ATP1B3: variants seen among roughly 807,000 people sequenced by gnomAD.
ATP1B3 encodes ATPase Na+/K+ transporting subunit beta 3.
A neutral mutation model predicts 30.2 loss-of-function variants in ATP1B3; 10 were observed. That is an observed-to-expected ratio of 0.33 (90% CI 0.20 to 0.56). The LOEUF (loss-of-function observed/expected upper bound fraction) is 0.56. Ranked by LOEUF, ATP1B3 falls within the 20% of genes least tolerant of loss-of-function variation. The probability of loss-of-function intolerance (pLI) is 0.90; values close to 1 mark genes in which losing one functional copy is unlikely to be tolerated. For missense variants in ATP1B3, 238 were observed against 336.7 expected, an observed-to-expected ratio of 0.71 and a Z score of 2.29; for synonymous variants, 113 against 117.0, an observed-to-expected ratio of 0.97 and a Z score of 0.22.
intron 1 of ATP1B3, among the ~76,000 whole-genome samples, chr3:141,891,889 C>A (rs1933960654): frequency 7.4e-6 from 1 of 135,358 alleles, no homozygotes; most frequent in Admixed American, 7.3e-5. Flanking sequence ...AGAATGTGGC[C>A]TCTTTTTTTT....
intron 4 of ATP1B3, among the ~76,000 whole-genome samples, chr3:141,915,668 T>G (rs537269983): frequency 2.8e-4 from 42 of 152,350 alleles, no homozygotes; most frequent in Non-Finnish European, 5.0e-4. Flanking sequence ...TAATTAGATT[T>G]AAGGGTTTCT....
intron 2 of ATP1B3, 68 bp downstream of exon 2, chr3:141,903,816 T>C: frequency 6.4e-7 from 1 of 1,553,012 alleles, no homozygotes; most frequent in African/African-American, 1.4e-5. Flanking sequence ...AGTTTCACTC[T>C]TGTTGCCCAG....
chr3:141,887,680 G>A lies in ATP1B3; in HGVS notation c.109+10770G>A, dbSNP rs1436245484. The stretch of plus-strand genomic sequence containing the variant: ...CAGTTCAGGTTTTTATCAGCTAGGC[G>A]ATAGATAAACTTGCATGTCTACACA... On this transcript the variant is annotated intron_variant, in intron 1 of 6. Coordinates refer to ENST00000286371, the MANE Select transcript of ATP1B3 (RefSeq NM_001679.4). 8.5e-5 allele frequency among the ~76,000 whole-genome samples: 13 copies of A among 152,124 alleles called. 1 individual carries two copies. Among genetic ancestry groups the A allele is most frequent in the African/African-American group, 1.2e-4 (5 of 41,418 alleles).
chr3:141,902,287 A>G (rs1367593197), intron 1 of ATP1B3: 5 of 1,176,780 alleles, frequency 4.2e-6, no homozygotes, highest in Middle Eastern at 4.5e-4. Context: ...TGCTTTAACT[A>G]TTTCCCCTTT....
At chr3:141,920,069 G>T (rs1022912531) in intron 5 of ATP1B3, among the ~76,000 whole-genome samples, 2 of 152,120 alleles carry the variant, frequency 1.3e-5, no homozygotes, top group South Asian at 2.1e-4. Context: ...TTCACAGAAG[G>T]TATAAATTAA....
chr3:141,884,257 CT>C (rs1933789434), intron 1 of ATP1B3, among the ~76,000 whole-genome samples: 1 of 152,124 alleles, frequency 6.6e-6, no homozygotes. Flanking sequence ...TTTGCTGGTG[CT>C]GTGGGTAAGA....
At chr3:141,913,567 A>ATTGTTTT in intron 3 of ATP1B3, 85 bp from the exon 4 acceptor site, 2 of 1,173,954 alleles carry the variant, frequency 1.7e-6, no homozygotes, top group Non-Finnish European at 2.3e-6. Context: ...GTCTTTGAAG[A>ATTGTTTT]ACATTTTCCA....
intron 5 of ATP1B3, among the ~76,000 whole-genome samples, 192 bp downstream of exon 5, chr3:141,916,212 G>A (rs1482233673): frequency 6.6e-6 from 1 of 152,084 alleles, no homozygotes; most frequent in East Asian, 1.9e-4. Context: ...TTTTCCATGT[G>A]TATTTGATTT....
rs1289397576 is a variant in ATP1B3 at position 141,925,551 on chromosome 3, G to A, written c.690G>A (p.Leu230=). The A allele has an allele frequency of 1.2e-6, 2 of 1,609,098 alleles. No individual in the cohort carries two copies. The highest frequency in any genetic ancestry group is 2.7e-5 in the African/African-American group (2 of 74,652). The part of the protein sequence containing the change: ...KKLHVGYLQP[L]VAVQVSFAPN... ...GCCAGGTTGGGTATCTACAGCCATT[G>A]GTTGCTGTTCAGGTCAGCTTTGCTC... Residue 230 remains leucine (L), a synonymous_variant, in exon 7 of 7, where the codon TTG becomes TTA. Transcript: ENST00000286371.
intron 1 of ATP1B3, among the ~76,000 whole-genome samples, chr3:141,894,300 A>C (rs538814401): frequency 3.4e-4 from 52 of 151,718 alleles, no homozygotes; most frequent in African/African-American, 1.2e-3. Flanking sequence ...TTCAGTAATA[A>C]CCTTAGCTTA....
chr3:141,882,687 G>A (rs142582559), intron 1 of ATP1B3, among the ~76,000 whole-genome samples: 255 of 152,304 alleles, frequency 1.7e-3, no homozygotes, highest in Non-Finnish European at 2.7e-3. Context: ...GGATTCAAGC[G>A]ATTCTCCTGC....
At chr3:141,890,510 C>T (rs1468078857) in intron 1 of ATP1B3, among the ~76,000 whole-genome samples, 1 of 151,732 alleles carries the variant, frequency 6.6e-6, no homozygotes, top group African/African-American at 2.4e-5. Context: ...ACCATGTTGG[C>T]CAGGCTGGTC....
At chr3:141,903,288 A>G (rs1000557045) in intron 1 of ATP1B3, among the ~76,000 whole-genome samples, 2 of 152,184 alleles carry the variant, frequency 1.3e-5, no homozygotes, top group Non-Finnish European at 2.9e-5. Flanking sequence ...GTATCTTTTT[A>G]GAGGGCATCA....
rs749948495 is a variant in ATP1B3, at chr3:141,903,709, G to A, written c.199G>A (p.Asp67Asn). The change falls in exon 2 of 7, where the codon GAT becomes AAT. Residue 67 changes from aspartate (D) to asparagine (N), a missense_variant. Transcript: ENST00000286371. Reference protein sequence around the residue: ...TMWVMLQTLNDEVPKYRDQIP... With the variant: ...TMWVMLQTLNNEVPKYRDQIP... ...GTGGGTTATGCTTCAGACTCTCAAC[G>A]ATGAGGTTCCAAAATACCGTGACCA... The A allele has an allele frequency of 1.9e-5, 31 of 1,613,862 alleles. No individual in the cohort carries two copies. In the South Asian group the frequency reaches 2.9e-4, roughly 15 times the overall value.
rs1273196945 is a variant in ATP1B3, at chr3:141,906,406, C to T, written c.239-761C>T. ...TATTGGCCAGGCTGGTCTCGACCTC[C>T]TGACCTCAAGTGATCCGCCAGCCTC... On this transcript the variant is annotated intron_variant, in intron 2 of 6. Coordinates refer to ENST00000286371, the MANE Select transcript of ATP1B3 (RefSeq NM_001679.4). 2.0e-5 allele frequency among the ~76,000 whole-genome samples: 3 copies of T among 152,140 alleles called. No homozygotes were observed. In the East Asian group the frequency reaches 5.8e-4, roughly 29 times the overall value.
chr3:141,912,058 G>A (rs1187812554), intron 3 of ATP1B3, among the ~76,000 whole-genome samples: 1 of 152,092 alleles, frequency 6.6e-6, no homozygotes, highest in Non-Finnish European at 1.5e-5. Flanking sequence ...CAAAGTGTTG[G>A]ATGTCATGAT....
rs988279324 is a variant in ATP1B3, at chr3:141,926,270, A to C, written c.*569A>C. 6.7e-6 allele frequency: 1 copy of C among 148,588 alleles called. No homozygotes were observed. The highest frequency in any genetic ancestry group is 2.5e-5 in the African/African-American group (1 of 40,420). 9.2% of individuals were successfully genotyped at this position (148,588 alleles called of 1,614,324 possible). A position where few individuals can be genotyped will look rare whatever the true frequency, so the allele number is the denominator to read the frequency against. Reference sequence around the variant, plus strand: ...AGCCTCGATCTTTTTGATTAAGAGCACAAACTTTTTTTTGTAAAACATGTA... The same window carrying C: ...AGCCTCGATCTTTTTGATTAAGAGCCCAAACTTTTTTTTGTAAAACATGTA... On this transcript the variant is annotated 3_prime_UTR_variant, in exon 7 of 7. Coordinates refer to ENST00000286371, the MANE Select transcript of ATP1B3 (RefSeq NM_001679.4).
intron 2 of ATP1B3, among the ~76,000 whole-genome samples, chr3:141,905,436 G>A (rs1934247589): frequency 6.6e-6 from 1 of 152,188 alleles, no homozygotes; most frequent in South Asian, 2.1e-4. Context: ...AGCCCAAAAT[G>A]CCAATAATGC....
At chr3:141,885,750 C>T (rs546055515) in intron 1 of ATP1B3, among the ~76,000 whole-genome samples, 109 of 152,156 alleles carry the variant, frequency 7.2e-4, no homozygotes, top group South Asian at 1.7e-3. Context: ...GCCTGACCAG[C>T]GCATGCCTTT....
Sources: gnomAD v4.1 joint callset for allele counts (sites outside exome capture counted in the v4.1 genomes callset) on GRCh38, gnomAD v4.1.1 for gene constraint, MANE v1.5 for transcripts, NCBI Gene and HGNC (gene_info 2026-07-23, HGNC 2026-07-21) for gene names.